The following LRGUK variants were observed in gnomAD, a reference collection of about 807,000 sequenced individuals.
The protein encoded by LRGUK is leucine rich repeats and guanylate kinase domain containing.
Under a neutral mutation model 76.0 loss-of-function variants are expected in LRGUK, and 65 were observed. That is an observed-to-expected ratio of 0.85 (90% CI 0.70 to 1.05). The LOEUF (loss-of-function observed/expected upper bound fraction) is 1.05. Among genes scored for constraint, LRGUK ranks in the 50% least tolerant of loss-of-function variants. The pLI is 0.00. For missense variants in LRGUK, 758 were observed against 732.8 expected, an observed-to-expected ratio of 1.03 and a Z score of -0.40; for synonymous variants, 268 against 265.6, an observed-to-expected ratio of 1.01 and a Z score of -0.09.
chr7:134,196,783 AT>A (rs368507562), intron 12 of LRGUK, among the ~76,000 whole-genome samples: 2,055 of 148,548 alleles, frequency 0.014, 40 homozygotes, highest in African/African-American at 0.044. Context: ...CTAAAAACCT[AT>A]TTTTTTTTTG....
chr7:134,156,242 T>C (rs987682094), intron 5 of LRGUK, among the ~76,000 whole-genome samples: 1 of 152,172 alleles, frequency 6.6e-6, no homozygotes, highest in Non-Finnish European at 1.5e-5. Context: ...CTTTCGGAAA[T>C]TGCCTGGGCA....
intron 13 of LRGUK, 95 bp downstream of exon 13, chr7:134,197,200 T>C (rs1448756551): frequency 1.4e-6 from 1 of 700,832 alleles, no homozygotes; most frequent in Non-Finnish European, 2.5e-6. Flanking sequence ...TGTATAAACT[T>C]TTTACTGATA....
chr7:134,148,427 T>G (rs1217796486), intron 5 of LRGUK, 108 bp downstream of exon 5: 1 of 650,702 alleles, frequency 1.5e-6, no homozygotes, highest in East Asian at 3.1e-5. Flanking sequence ...AGATAAGCAA[T>G]TTAATAGAGA....
intron 15 of LRGUK, 26 bp from the exon 16 acceptor site, chr7:134,221,753 T>C (rs780760213): frequency 2.1e-6 from 3 of 1,461,964 alleles, no homozygotes; most frequent in East Asian, 5.1e-5. Context: ...ACTTTTATTT[T>C]AAACTTTATT....
intron 1 of LRGUK, among the ~76,000 whole-genome samples, chr7:134,131,008 C>T (rs771545443): frequency 2.6e-5 from 4 of 152,162 alleles, no homozygotes; most frequent in African/African-American, 9.7e-5. Flanking sequence ...TACATGTTTT[C>T]GTCTGCTAAC....
chr7:134,270,901 A>G, the LRGUK span, among the ~76,000 whole-genome samples: 1 of 152,060 alleles, frequency 6.6e-6, no homozygotes, highest in Non-Finnish European at 1.5e-5. Flanking sequence ...AGATATTACT[A>G]TAGTGGTTGC....
At chr7:134,267,467 A>G (rs1398536006), downstream of LRGUK, among the ~76,000 whole-genome samples, 1 of 152,198 alleles carries the variant, frequency 6.6e-6, no homozygotes, top group African/African-American at 2.4e-5. Flanking sequence ...CTCATCTTGA[A>G]TTGTAGCTCC....
chr7:134,263,612 G>A (rs1802794407), intron 19 of LRGUK, among the ~76,000 whole-genome samples: 1 of 143,768 alleles, frequency 7.0e-6, no homozygotes, highest in South Asian at 2.2e-4. Context: ...TTCCTTGAAT[G>A]TCATTTCTTT....
chr7:134,128,005 T>C (rs967647623), intron 1 of LRGUK, among the ~76,000 whole-genome samples: 2 of 151,916 alleles, frequency 1.3e-5, no homozygotes, highest in Non-Finnish European at 2.9e-5. Context: ...GACAGTATTG[T>C]GAATAGGCAG....
chr7:134,258,240 G>T lies in LRGUK; in HGVS notation c.2199-17G>T, dbSNP rs766321022. 6.2e-7 allele frequency: 1 copy of T among 1,613,540 alleles called. No homozygotes were observed. The highest frequency in any genetic ancestry group is 8.5e-7 in the Non-Finnish European group (1 of 1,179,650). The stretch of plus-strand genomic sequence containing the variant: ...AGTTTGGATCTCAAAAAGATCTTTG[G>T]TTTTTCATTTTTTCAGTGGGAAGGA... On this transcript the variant is annotated splice_polypyrimidine_tract_variant and intron_variant, in intron 18 of 19. Transcript: ENST00000285928.
At position 134,178,674 on chromosome 7, in the gene LRGUK, C is replaced by G. The variant is rs529451502; in HGVS notation, c.1214+65C>G. The G allele has an allele frequency of 1.3e-3, 1,607 of 1,226,266 alleles. 1 individual carries two copies. The highest frequency in any genetic ancestry group is 1.7e-3 in the Non-Finnish European group (1,487 of 859,656). 76.0% of individuals were successfully genotyped at this position (1,226,266 alleles called of 1,614,324 possible). On this transcript the variant is annotated intron_variant, in intron 10 of 15. Coordinates refer to ENST00000645682, the Ensembl canonical transcript of LRGUK. ...CAAGCAAAAGACAGCCTCATCACTT[C>G]CCCTAACCCCTATTTTGTGACCCCT... is the stretch of plus-strand genomic sequence containing the variant.
chr7:134,217,600 T>G (rs374030384), intron 15 of LRGUK, among the ~76,000 whole-genome samples: 8 of 152,190 alleles, frequency 5.3e-5, no homozygotes, highest in East Asian at 3.8e-4. Context: ...ATATTATTCT[T>G]TTCTTAGAAG....
intron 4 of LRGUK, among the ~76,000 whole-genome samples, chr7:134,144,502 G>T (rs575075103): frequency 5.9e-5 from 9 of 152,092 alleles, no homozygotes; most frequent in Non-Finnish European, 1.2e-4. Flanking sequence ...CGATCACCCT[G>T]GGTTTTGTGA....
At chr7:134,199,491 G>T in intron 14 of LRGUK, 70 bp downstream of exon 14, 2 of 1,379,582 alleles carry the variant, frequency 1.4e-6, no homozygotes, top group Non-Finnish European at 2.0e-6. Flanking sequence ...GTTTCATGGG[G>T]ATAAAATTCT....
chr7:134,269,377 GTC>G (rs756044295), downstream of LRGUK, among the ~76,000 whole-genome samples: 1 of 144,770 alleles, frequency 6.9e-6, no homozygotes, highest in Non-Finnish European at 1.5e-5. Context: ...TTGAGACAGG[GTC>G]TCTCTCTCTG....
chr7:134,196,559 C>T (rs1195087735), intron 12 of LRGUK, among the ~76,000 whole-genome samples: 1 of 152,128 alleles, frequency 6.6e-6, no homozygotes, highest in Non-Finnish European at 1.5e-5. Flanking sequence ...CTTGGTAATG[C>T]AAGGCTTTTG....
At chr7:134,213,843 A>G (rs976101715), downstream of LRGUK, among the ~76,000 whole-genome samples, 1 of 152,234 alleles carries the variant, frequency 6.6e-6, no homozygotes, top group Non-Finnish European at 1.5e-5. Context: ...TTACACATAG[A>G]ATAACAATGT....
chr7:134,148,061 CAAAAAA>C (rs10556613), intron 4 of LRGUK, among the ~76,000 whole-genome samples, 171 bp from the exon 5 acceptor site: 419 of 123,218 alleles, frequency 3.4e-3, no homozygotes, highest in African/African-American at 0.012. Flanking sequence ...GACTCCTTTT[CAAAAAA>C]AAAAAAAAAA....
intron 7 of LRGUK, among the ~76,000 whole-genome samples, chr7:134,173,012 A>C (rs577880327): frequency 6.6e-6 from 1 of 151,894 alleles, no homozygotes; most frequent in Non-Finnish European, 1.5e-5. Context: ...AATAAATAAA[A>C]AAGAATAAGA....
Sources: allele counts gnomAD v4.1 joint callset (sites outside exome capture counted in the v4.1 genomes callset), GRCh38; gene constraint gnomAD v4.1.1; transcripts MANE v1.5; gene names NCBI Gene and HGNC (gene_info 2026-07-23, HGNC 2026-07-21).